The following CDH22 variants were observed in gnomAD, a reference collection of about 807,000 sequenced individuals.
CDH22 encodes cadherin-22.
A neutral mutation model predicts 58.4 loss-of-function variants in CDH22; 30 were observed. That is an observed-to-expected ratio of 0.51 (90% confidence interval 0.38 to 0.70). CDH22 has a LOEUF of 0.70. Among genes scored for constraint, CDH22 ranks in the 30% least tolerant of loss-of-function variants. The pLI is 0.00. For missense variants in CDH22, 1,014 were observed against 1,233.9 expected (o/e 0.82, Z 2.67); for synonymous variants, 513 against 558.2 (o/e 0.92, Z 1.14).
At chr20:46,253,855 C>T (rs946025058) in intron 1 of CDH22, among the ~76,000 whole-genome samples, 20 of 152,170 alleles carry the variant, frequency 1.3e-4, no homozygotes, top group African/African-American at 4.1e-4. Context: ...GCTGTCACTT[C>T]TGGAGAGGGC....
At position 46,251,082 on chromosome 20, in the gene CDH22, C is replaced by T; in HGVS notation, c.213G>A (p.Val71=). 1 of 1,612,438 alleles carries T rather than the reference C, an allele frequency of 6.2e-7. No homozygotes were observed. Among genetic ancestry groups the T allele is most frequent in the Non-Finnish European group, 8.5e-7 (1 of 1,179,206 alleles). Residue 71 remains valine (V), a synonymous_variant, in exon 2 of 12, where the codon GTG becomes GTA. Transcript: ENST00000537909. The surrounding 1 kb of genome is among the most constrained non-coding windows in gnomAD (Gnocchi z 6.7). ...KRGWVWNQFF[V]VEEYTGTEPL... is the part of the protein sequence containing the mutation. ...GCTCCGTGCCCGTGTACTCCTCTAC[C>T]ACGAAGAACTGGTTCCACACCCAGC...
At position 46,176,522 on chromosome 20, in the gene CDH22, A is replaced by G. The variant is rs145147766; in HGVS notation, c.1915+1424T>C. 2.6e-5 allele frequency among the ~76,000 whole-genome samples: 4 copies of G among 152,368 alleles called. No homozygotes were observed. The East Asian group carries it at 7.7e-4, about 29-fold the overall frequency. On this transcript the variant is annotated intron_variant, in intron 11 of 11. Transcript: ENST00000537909. ...GGAGGAACTCACTGGATGGATGTAT[A>G]GGTAAATGATGATGGGTGGATGGAC...
chr20:46,293,604 C>T (rs2086615214), intron 1 of CDH22, among the ~76,000 whole-genome samples: 1 of 152,130 alleles, frequency 6.6e-6, no homozygotes, highest in Non-Finnish European at 1.5e-5. Context: ...AACCCTATTC[C>T]ACGAAGTCCT....
intron 11 of CDH22, 139 bp downstream of exon 11, chr20:46,177,807 A>C: frequency 1.8e-6 from 2 of 1,097,756 alleles, no homozygotes; most frequent in Non-Finnish European, 2.6e-6. Context: ...GCTGCTTGTT[A>C]GAGCTTGGAG....
intron 5 of CDH22, among the ~76,000 whole-genome samples, chr20:46,214,474 C>A (rs2145693406): frequency 6.6e-6 from 1 of 152,302 alleles, no homozygotes; most frequent in East Asian, 1.9e-4. Flanking sequence ...GCTTTAATCC[C>A]TTTTATAGCT....
chr20:46,202,553 C>G (rs1303272779), intron 7 of CDH22, among the ~76,000 whole-genome samples: 1 of 152,078 alleles, frequency 6.6e-6, no homozygotes, highest in Non-Finnish European at 1.5e-5. Context: ...CGGGGTTTCA[C>G]CTTGTTAGCC....
intron 8 of CDH22, among the ~76,000 whole-genome samples, chr20:46,196,559 C>G (rs953725520): frequency 2.0e-5 from 3 of 152,296 alleles, no homozygotes; most frequent in South Asian, 2.1e-4. Context: ...CAGGCGTGAG[C>G]CACTGTGCCT....
chr20:46,223,846 C>T lies in CDH22; in HGVS notation c.670+3662G>A, dbSNP rs796299417. Among the ~76,000 whole-genome samples, 157 of 27,274 alleles carry T rather than the reference C, an allele frequency of 5.8e-3. 2 individuals are homozygous for T. The highest frequency in any genetic ancestry group is 0.019 in the African/African-American group (150 of 8,102). The allele number at this position is 27,274 out of a possible 152,430, so 17.9% of individuals were successfully genotyped here. On this transcript the variant is annotated intron_variant, in intron 4 of 11. Coordinates refer to ENST00000537909, the MANE Select transcript of CDH22 (RefSeq NM_021248.3). ...CCTTCCTTCCTTCCTTCCTTCCTTC[C>T]TTCCTTCTTTCTTTCTTTTCTTTTT...
At chr20:46,198,587 C>G (rs986998687) in intron 8 of CDH22, among the ~76,000 whole-genome samples, 3 of 152,182 alleles carry the variant, frequency 2.0e-5, no homozygotes, top group Admixed American at 6.5e-5. Context: ...CCAGGCTCTT[C>G]TCAATGCAGC....
chr20:46,252,512 C>T (rs375877336), intron 1 of CDH22, among the ~76,000 whole-genome samples: 10 of 152,248 alleles, frequency 6.6e-5, no homozygotes, highest in South Asian at 2.1e-4. Context: ...GAGGGACTAA[C>T]GCCTACTCAA....
rs2086037084 is a variant in CDH22 at position 46,210,682 on chromosome 20, AG to A, written c.1033-123del. 1.0e-6 allele frequency: 1 copy of A among 975,696 alleles called. No homozygotes were observed. Among genetic ancestry groups the A allele is most frequent in the Non-Finnish European group, 1.4e-6 (1 of 711,966 alleles). 60.4% of individuals were successfully genotyped at this position (975,696 alleles called of 1,614,324 possible). ...CACACGTTGTCTCAGCAGGGGCGGC[AG>A]GGATGTTTGGGCTGCATTGCAGAAC... On this transcript the variant is annotated intron_variant, in intron 6 of 11. Coordinates refer to ENST00000537909, the MANE Select transcript of CDH22 (RefSeq NM_021248.3). This position sits in a 1 kb window ranked among gnomAD's most constrained non-coding sequence, Gnocchi z 4.5.
chr20:46,197,024 T>C (rs932684270), intron 8 of CDH22, among the ~76,000 whole-genome samples: 6 of 152,064 alleles, frequency 3.9e-5, no homozygotes, highest in African/African-American at 1.2e-4. Flanking sequence ...CTTTCAGAGA[T>C]ACATCTCCTT....
At chr20:46,247,378 T>C (rs1235242680) in intron 2 of CDH22, among the ~76,000 whole-genome samples, 2 of 152,108 alleles carry the variant, frequency 1.3e-5, no homozygotes, top group Non-Finnish European at 2.9e-5. Context: ...TATCCGTGGG[T>C]TCTGCATCAG....
intron 3 of CDH22, among the ~76,000 whole-genome samples, chr20:46,239,575 G>C (rs2086275977): frequency 6.6e-6 from 1 of 152,256 alleles, no homozygotes; most frequent in East Asian, 1.9e-4. Flanking sequence ...TCTCCCAGGA[G>C]CTCAAGCACT....
intron 1 of CDH22, among the ~76,000 whole-genome samples, chr20:46,289,943 T>A (rs1380251161): frequency 4.6e-5 from 7 of 152,214 alleles, no homozygotes. Context: ...TTCAGGAAAC[T>A]AAAGTTTTAG....
At chr20:46,281,598 G>A (rs2086551213) in intron 1 of CDH22, among the ~76,000 whole-genome samples, 1 of 152,210 alleles carries the variant, frequency 6.6e-6, no homozygotes, top group Non-Finnish European at 1.5e-5. Context: ...GGCAGAACAA[G>A]TTTTTATGTC....
chr20:46,295,138 C>T (rs1035753784), intron 1 of CDH22, among the ~76,000 whole-genome samples: 1 of 152,212 alleles, frequency 6.6e-6, no homozygotes, highest in Non-Finnish European at 1.5e-5. Context: ...CTCTGAGAGC[C>T]CTGGATGTCT....
intron 7 of CDH22, among the ~76,000 whole-genome samples, chr20:46,208,608 T>A (rs1192271856): frequency 6.6e-6 from 1 of 152,174 alleles, no homozygotes. Flanking sequence ...TTAATTTATT[T>A]ATTTTGAGAC....
chr20:46,290,093 A>C (rs965403787), intron 1 of CDH22, among the ~76,000 whole-genome samples: 1 of 152,218 alleles, frequency 6.6e-6, no homozygotes, highest in African/African-American at 2.4e-5. Flanking sequence ...GTTTGTGGTC[A>C]ACTGGTTTTG....
Sources: gnomAD v4.1 joint callset for allele counts (sites outside exome capture counted in the v4.1 genomes callset) on GRCh38, gnomAD v4.1.1 for gene constraint, Gnocchi (gnomAD v3.1) non-coding constraint, MANE v1.5 for transcripts, NCBI Gene and HGNC (gene_info 2026-07-23, HGNC 2026-07-21) for gene names.